Variants in ANKHD1 observed in about 807,000 individuals in gnomAD.
ANKHD1 encodes ankyrin repeat and KH domain-containing protein 1.
ANKHD1 carries 31 observed loss-of-function variants against 230.5 expected under a neutral mutation model. That is an observed-to-expected ratio of 0.13 (90% CI 0.10 to 0.18). The LOEUF is 0.18. ANKHD1 is among the 10% of genes least tolerant of loss of function. The probability of loss-of-function intolerance (pLI) is 1.00; values close to 1 mark genes in which losing one functional copy is unlikely to be tolerated. For synonymous variants in ANKHD1, 1,074 were observed against 1,117.6 expected (o/e 0.96, Z 0.78); for missense variants, 2,256 against 3,071.3 (o/e 0.73, Z 6.27).
intron 9 of ANKHD1, among the ~76,000 whole-genome samples, chr5:140,462,729 A>AAAAAAAAAAC (rs1326534598): frequency 6.6e-6 from 1 of 151,470 alleles, no homozygotes; most frequent in East Asian, 1.9e-4. Context: ...CATCTCAAAA[A>AAAAAAAAAAC]AAAAAAAAAA....
At chr5:140,482,754 C>T (rs1040124431) in intron 11 of ANKHD1, 87 bp downstream of exon 11, 10 of 1,401,368 alleles carry the variant, frequency 7.1e-6, no homozygotes, top group Non-Finnish European at 9.8e-6. Context: ...GTTATGGCTA[C>T]TTTACCTACA....
chr5:140,443,896 G>A (rs1395900096), intron 5 of ANKHD1, among the ~76,000 whole-genome samples: 1 of 152,022 alleles, frequency 6.6e-6, no homozygotes, highest in African/African-American at 2.4e-5. Flanking sequence ...AGAGATAGTT[G>A]GGGGCTTTAA....
At position 140,485,783 on chromosome 5, in the gene ANKHD1, T is replaced by G; in HGVS notation, c.2142+51T>G. 1 of 1,593,406 alleles carries G rather than the reference T, an allele frequency of 6.3e-7. No individual in the cohort carries two copies. The highest frequency in any genetic ancestry group is 1.2e-5 in the South Asian group (1 of 85,872). On this transcript the variant is annotated intron_variant, in intron 13 of 33. Coordinates refer to ENST00000360839, the MANE Select transcript of ANKHD1 (RefSeq NM_017747.3). The surrounding 1 kb of genome is among the most constrained non-coding windows in gnomAD (Gnocchi z 4.8). ...TAATATAAATATTCTTCAACATGAT[T>G]AGAAGTTTTTGTTTAAAATCAGTTT...
Position 140,539,482 on chromosome 5 carries a change from AT to A in ANKHD1, c.*73del, listed in dbSNP as rs537567839. The A allele has an allele frequency of 7.6e-4, 1,126 of 1,474,568 alleles. No homozygotes were observed. Among genetic ancestry groups the A allele is most frequent in the South Asian group, 1.6e-3 (118 of 76,114 alleles). The allele number at this position is 1,474,568 out of a possible 1,614,324, so 91.3% of individuals were successfully genotyped here. ...CTATGACCTTGGAAGAACCATGGGG[AT>A]TTTTTTTTAATGTGCCTAAGAAATT... On this transcript the variant is annotated 3_prime_UTR_variant, in exon 34 of 34. Coordinates refer to ENST00000360839, the MANE Select transcript of ANKHD1 (RefSeq NM_017747.3).
chr5:140,508,691 G>T (rs751104097), intron 20 of ANKHD1, among the ~76,000 whole-genome samples: 3 of 151,996 alleles, frequency 2.0e-5, no homozygotes, highest in Non-Finnish European at 4.4e-5. Context: ...GGGAGGTGGA[G>T]GTTGCACTGA....
In ANKHD1 at chr5:140,459,152, A is replaced by G; in HGVS notation, c.1481-12A>G. 6.4e-7 allele frequency: 1 copy of G among 1,555,472 alleles called. No homozygotes were observed. Among genetic ancestry groups the G allele is most frequent in the Non-Finnish European group, 8.7e-7 (1 of 1,151,570 alleles). ...CTTGCAACTAATTTTATCTGTTTTTATACTTTCCTAGGAGCAAATATAAAT... is the reference window on the plus strand; with the variant it reads ...CTTGCAACTAATTTTATCTGTTTTTGTACTTTCCTAGGAGCAAATATAAAT... On this transcript the variant is annotated splice_polypyrimidine_tract_variant and intron_variant, in intron 8 of 33. Transcript: ENST00000360839.
At chr5:140,525,902 C>A in intron 25 of ANKHD1, 94 bp from the exon 26 acceptor site, 12 of 1,341,626 alleles carry the variant, frequency 8.9e-6, no homozygotes, top group East Asian at 2.7e-5. Context: ...TGATGTAAAA[C>A]ACTGAATTAT....
At chr5:140,526,566 T>C in intron 26 of ANKHD1, 123 bp downstream of exon 26, 9 of 1,248,786 alleles carry the variant, frequency 7.2e-6, no homozygotes, top group South Asian at 1.7e-5. Flanking sequence ...CCACATTATC[T>C]ATCTTCAATA....
intron 1 of ANKHD1, among the ~76,000 whole-genome samples, chr5:140,409,305 A>G (rs1770734683): frequency 6.6e-6 from 1 of 152,226 alleles, no homozygotes. Flanking sequence ...TGGTAAATGT[A>G]TCATTTTGGG....
In ANKHD1 at chr5:140,464,668, C is replaced by T. The variant is rs184458865; in HGVS notation, c.1674C>T (p.Gly558=). Residue 558 remains glycine, a splice_region_variant and synonymous_variant, in exon 10 of 34, where the codon GGC becomes GGT. Transcript: ENST00000360839. ...LELVKYLLAS[G]ANVHATTATG... ...AATGTATGCTTTTTTGTTTGCTAGG[C>T]GCTAATGTGCATGCTACAACAGCAA... 38 of 1,565,158 alleles carry T rather than the reference C, an allele frequency of 2.4e-5. No homozygotes were observed. The African/African-American group carries it at 3.0e-4, about 12-fold the overall frequency.
intron 5 of ANKHD1, among the ~76,000 whole-genome samples, chr5:140,443,455 C>A (rs1324385475): frequency 6.6e-6 from 1 of 151,712 alleles, no homozygotes; most frequent in Admixed American, 6.5e-5. Context: ...CTTTGGGAGG[C>A]TGAGGTGGGA....
intron 1 of ANKHD1, among the ~76,000 whole-genome samples, chr5:140,435,327 A>G (rs910470665): frequency 1.1e-4 from 17 of 150,192 alleles, no homozygotes; most frequent in Admixed American, 6.6e-4. Flanking sequence ...TATCTAGTCT[A>G]TATGGATTTT....
intron 22 of ANKHD1, among the ~76,000 whole-genome samples, chr5:140,510,594 C>T (rs1015768119): frequency 2.6e-5 from 4 of 151,444 alleles, no homozygotes; most frequent in African/African-American, 7.3e-5. Flanking sequence ...TACAGGCTCC[C>T]GACCTTATCT....
rs75859459 is a variant in ANKHD1 at position 140,416,809 on chromosome 5, T to G, written c.306+14536T>G. Among the ~76,000 whole-genome samples the G allele has an allele frequency of 7.9e-3, 1,200 of 151,964 alleles. 8 individuals are homozygous for G. The highest frequency in any genetic ancestry group is 0.012 in the Non-Finnish European group (830 of 67,958). ...CTGTTCTTCTTTTTTAAGATTATTT[T>G]GACTATTCTGGGTCTTTTGAGATCC... On this transcript the variant is annotated intron_variant, in intron 1 of 33. Transcript: ENST00000360839.
rs912642983 is a variant in ANKHD1, at chr5:140,478,363, C to CT, written c.1783-4202dup. 6.2e-3 allele frequency among the ~76,000 whole-genome samples: 795 copies of CT among 127,822 alleles called. 7 individuals carry two copies. The highest frequency in any genetic ancestry group is 0.021 in the Middle Eastern group (5 of 242). 83.9% of individuals were successfully genotyped at this position (127,822 alleles called of 152,430 possible). A position where few individuals can be genotyped will look rare whatever the true frequency, so the allele number is the denominator to read the frequency against. Reference sequence around the variant, plus strand: ...GCAAGCAAGGCTTTTCTTTCTTTTTCTTTTTTTTTTTTTTTAGGGGAAAAG... The same window carrying CT: ...GCAAGCAAGGCTTTTCTTTCTTTTTCTTTTTTTTTTTTTTTTAGGGGAAAAG... On this transcript the variant is annotated intron_variant, in intron 10 of 33. Coordinates refer to ENST00000360839, the MANE Select transcript of ANKHD1 (RefSeq NM_017747.3).
chr5:140,510,061 A>T lies in ANKHD1; in HGVS notation c.3984A>T (p.Pro1328=), dbSNP rs1441812315. 1 of 1,614,094 alleles carries T rather than the reference A, an allele frequency of 6.2e-7. No homozygotes were observed. The highest frequency in any genetic ancestry group is 8.5e-7 in the Non-Finnish European group (1 of 1,179,960). ...IDVRNKKGNT[P]LWLASNGGHF... is the part of the protein sequence containing the mutation. ...TTCGTAACAAAAAGGGAAATACGCC[A>T]CTTTGGCTGGCATCCAATGGAGGTC... Residue 1328 remains proline, a synonymous_variant, in exon 22 of 34, where the codon CCA becomes CCT. Transcript: ENST00000360839.
chr5:140,411,291 G>A (rs971313227), intron 1 of ANKHD1, among the ~76,000 whole-genome samples: 2 of 152,144 alleles, frequency 1.3e-5, no homozygotes, highest in South Asian at 4.1e-4. Context: ...GAACTGTTGA[G>A]CTAAATGACT....
intron 25 of ANKHD1, among the ~76,000 whole-genome samples, chr5:140,525,136 A>G (rs1753545884): frequency 6.6e-6 from 1 of 152,064 alleles, no homozygotes; most frequent in African/African-American, 2.4e-5. Flanking sequence ...ATAAAAAGAA[A>G]AAAAAGAATA....
chr5:140,512,838 A>G lies in ANKHD1; in HGVS notation c.4115A>G (p.Lys1372Arg). The G allele has an allele frequency of 6.3e-7, 1 of 1,599,844 alleles. No homozygotes were observed. Among genetic ancestry groups the G allele is most frequent in the Non-Finnish European group, 8.5e-7 (1 of 1,175,512 alleles). The change falls in exon 23 of 34, where the codon AAA becomes AGA. Residue 1372 changes from lysine to arginine, a missense_variant. By Grantham distance (26) the Lys-to-Arg change is conservative (BLOSUM62 2). Coordinates refer to ENST00000360839, the MANE Select transcript of ANKHD1 (RefSeq NM_017747.3). ...TTGTACTTCTTATAGGGTCATGTAA[A>G]AGTTGTTCAATATTTGGTAAAGGAA... ...LMSAFRKGHV[K>R]VVQYLVKEVN...
Sources: allele counts gnomAD v4.1 joint callset (sites outside exome capture counted in the v4.1 genomes callset), GRCh38; gene constraint gnomAD v4.1.1; non-coding constraint Gnocchi (gnomAD v3.1); transcripts MANE v1.5; gene names NCBI Gene and HGNC (gene_info 2026-07-23, HGNC 2026-07-21).